SULF1: variants seen among roughly 807,000 people sequenced by gnomAD.
SULF1 encodes the protein extracellular sulfatase Sulf-1.
SULF1 carries 46 observed loss-of-function variants against 110.5 expected under a neutral mutation model. The ratio of observed to expected loss-of-function variants is 0.42; its 90% CI spans 0.33 to 0.53. The LOEUF (loss-of-function observed/expected upper bound fraction) is 0.53. SULF1 is among the 20% of genes least tolerant of loss of function. The pLI is 0.12. For missense variants in SULF1, 941 were observed against 1,094.2 expected (o/e 0.86, Z 1.98); for synonymous variants, 371 against 387.1 (o/e 0.96, Z 0.49).
chr8:69,640,159 GAAA>G (rs1192765920), intron 21 of SULF1, among the ~76,000 whole-genome samples: 1 of 94,318 alleles, frequency 1.1e-5, no homozygotes. Context: ...AAGAAAGAAA[GAAA>G]AAAAGAAAGA....
At chr8:69,469,089 A>G (rs376797323) in intron 1 of SULF1, among the ~76,000 whole-genome samples, 101 of 152,348 alleles carry the variant, frequency 6.6e-4, no homozygotes, top group African/African-American at 2.2e-3. Flanking sequence ...GGTAATGTGA[A>G]GTTACTTCGT....
chr8:69,474,452 A>G (rs1397258500), intron 1 of SULF1, among the ~76,000 whole-genome samples: 1 of 152,204 alleles, frequency 6.6e-6, no homozygotes, highest in Non-Finnish European at 1.5e-5. Flanking sequence ...CCCTGTAAAC[A>G]GATGTGCTTT....
At chr8:69,603,565 G>C (rs749428687) in intron 11 of SULF1, 35 bp from the exon 12 acceptor site, 1 of 1,581,056 alleles carries the variant, frequency 6.3e-7, no homozygotes, top group Non-Finnish European at 8.7e-7. Context: ...AAAACGTCCA[G>C]ATGCCAAAAG....
intron 2 of SULF1, among the ~76,000 whole-genome samples, chr8:69,496,489 C>T (rs923030220): frequency 2.8e-4 from 43 of 152,110 alleles, no homozygotes; most frequent in African/African-American, 9.9e-4. Context: ...AGAAGTGTCC[C>T]AAAAAGGAAC....
chr8:69,576,331 A>T (rs112951747), intron 6 of SULF1, 122 bp downstream of exon 6: 1 of 1,172,278 alleles, frequency 8.5e-7, no homozygotes, highest in East Asian at 2.4e-5. Flanking sequence ...AAGTGTTTTT[A>T]AACTGCTTGA....
chr8:69,490,608 A>AC (rs756777992), upstream of SULF1, among the ~76,000 whole-genome samples: 2 of 152,126 alleles, frequency 1.3e-5, no homozygotes, highest in Non-Finnish European at 2.9e-5. Flanking sequence ...TTCCTGAAGT[A>AC]CCCCTTGAAA....
At chr8:69,521,364 C>T (rs1315899998) in intron 3 of SULF1, among the ~76,000 whole-genome samples, 2 of 151,988 alleles carry the variant, frequency 1.3e-5, no homozygotes, top group Non-Finnish European at 2.9e-5. Flanking sequence ...CCACAATATA[C>T]GTAGTATATT....
chr8:69,537,991 C>T (rs1297863615), intron 3 of SULF1, among the ~76,000 whole-genome samples: 6 of 148,554 alleles, frequency 4.0e-5, no homozygotes, highest in Non-Finnish European at 7.4e-5. Context: ...GACGGAGTCT[C>T]GCTCTTTCAC....
rs202004083 is a variant in SULF1 at position 69,600,700 on chromosome 8, C to T, written c.832C>T (p.Leu278=). 3.3e-5 allele frequency: 54 copies of T among 1,614,056 alleles called. No homozygotes were observed. The highest frequency in any genetic ancestry group is 4.3e-5 in the Non-Finnish European group (51 of 1,179,962). The part of the protein sequence containing the change: ...LPIHMEFTNI[L]QRKRLQTLMS... ...CATCCACATGGAATTTACAAACATT[C>T]TACAGCGCAAAAGGCTCCAGACTTT... The change falls in exon 9 of 23, where the codon CTA becomes TTA. Residue 278 remains leucine (L), a synonymous_variant. Transcript: ENST00000402687.
At chr8:69,468,990 A>T (rs1307759031) in intron 1 of SULF1, among the ~76,000 whole-genome samples, 2 of 152,194 alleles carry the variant, frequency 1.3e-5, no homozygotes, top group African/African-American at 4.8e-5. Flanking sequence ...TGTACACAGG[A>T]TTAGGCAGGA....
intron 3 of SULF1, among the ~76,000 whole-genome samples, chr8:69,504,484 G>A (rs1284365613): frequency 2.0e-5 from 3 of 152,172 alleles, no homozygotes; most frequent in Non-Finnish European, 4.4e-5. Flanking sequence ...GAACCTGGGA[G>A]GCGGAGGTTG....
Position 69,632,782 on chromosome 8 carries a change from T to C in SULF1, c.2284+3103T>C, listed in dbSNP as rs116066208. ...ATTCATGCCTGTAAACCCAGCACTT[T>C]GGGAGGCCAAGGTCAGAGGATCAGC... is the stretch of plus-strand genomic sequence containing the variant. On this transcript the variant is annotated intron_variant, in intron 19 of 22. Transcript: ENST00000402687. 9.7e-3 allele frequency among the ~76,000 whole-genome samples: 1,473 copies of C among 152,274 alleles called. 21 individuals carry two copies. The highest frequency in any genetic ancestry group is 0.033 in the African/African-American group (1,388 of 41,538).
At chr8:69,561,532 A>G (rs112327834) in intron 3 of SULF1, among the ~76,000 whole-genome samples, 85 of 152,356 alleles carry the variant, frequency 5.6e-4, no homozygotes, top group African/African-American at 2.0e-3. Context: ...AAAGGTTATC[A>G]GCATCTGAAT....
At chr8:69,508,686 T>C (rs1371131137) in intron 3 of SULF1, among the ~76,000 whole-genome samples, 4 of 152,202 alleles carry the variant, frequency 2.6e-5, no homozygotes, top group Non-Finnish European at 4.4e-5. Flanking sequence ...TACTAGGTTT[T>C]AAATTTTTAC....
chr8:69,589,334 G>A (rs1343345627), intron 8 of SULF1, among the ~76,000 whole-genome samples, 193 bp downstream of exon 8: 1 of 152,208 alleles, frequency 6.6e-6, no homozygotes, highest in African/African-American at 2.4e-5. Context: ...TATCTGGGTG[G>A]TTTGAGGAGG....
intron 3 of SULF1, among the ~76,000 whole-genome samples, chr8:69,543,202 TTTGTTG>T (rs376602825): frequency 4.6e-5 from 7 of 152,056 alleles, no homozygotes; most frequent in African/African-American, 1.7e-4. Context: ...TGGTTTTGTT[TTTGTTG>T]TTGTTGTTGT....
At chr8:69,605,568 A>G (rs1287766618) in intron 13 of SULF1, among the ~76,000 whole-genome samples, 2 of 152,220 alleles carry the variant, frequency 1.3e-5, no homozygotes, top group Non-Finnish European at 2.9e-5. Flanking sequence ...TAAAAGAAAT[A>G]CTGTGTGATG....
intron 3 of SULF1, among the ~76,000 whole-genome samples, chr8:69,511,022 T>C (rs1297578740): frequency 2.0e-5 from 3 of 151,688 alleles, no homozygotes; most frequent in African/African-American, 7.3e-5. Context: ...TAGAAACCTG[T>C]CTCAGGACTC....
At chr8:69,486,470 T>C (rs1353048390) in intron 1 of SULF1, among the ~76,000 whole-genome samples, 1 of 152,048 alleles carries the variant, frequency 6.6e-6, no homozygotes, top group African/African-American at 2.4e-5. Context: ...AGTTTACATT[T>C]TCCTGCAATT....
Sources: allele counts gnomAD v4.1 joint callset (sites outside exome capture counted in the v4.1 genomes callset), GRCh38; gene constraint gnomAD v4.1.1; transcripts MANE v1.5; gene names NCBI Gene and HGNC (gene_info 2026-07-23, HGNC 2026-07-21).